The following ANKRD62 variants were observed in gnomAD, a reference collection of about 807,000 sequenced individuals.
The protein encoded by ANKRD62 is ankyrin repeat domain 62.
Under a neutral mutation model 98.8 loss-of-function variants are expected in ANKRD62, and 61 were observed. The ratio of observed to expected loss-of-function variants is 0.62; its 90% CI spans 0.50 to 0.76. ANKRD62 has a LOEUF of 0.76. Ranked by LOEUF, ANKRD62 falls within the 30% of genes least tolerant of loss-of-function variation. The pLI, the probability that ANKRD62 is intolerant of heterozygous loss-of-function variation, is 0.00. For missense variants in ANKRD62, 933 were observed against 1,082.9 expected (o/e 0.86, Z 1.94); for synonymous variants, 341 against 367.9 (o/e 0.93, Z 0.84).
At chr18:12,138,147 A>G in the ANKRD62 span, among the ~76,000 whole-genome samples, 12 of 152,074 alleles carry the variant, frequency 7.9e-5, no homozygotes, top group Middle Eastern at 3.4e-3. Flanking sequence ...TAGGGTGTCA[A>G]TTTTAGATCT....
chr18:12,109,755 A>G (rs1909495028), intron 8 of ANKRD62, among the ~76,000 whole-genome samples: 1 of 152,134 alleles, frequency 6.6e-6, no homozygotes, highest in Non-Finnish European at 1.5e-5. Flanking sequence ...GAGTTGGCCA[A>G]CTTTTTATGT....
the ANKRD62 span, among the ~76,000 whole-genome samples, chr18:12,136,283 C>T: frequency 6.6e-6 from 1 of 151,848 alleles, no homozygotes; most frequent in South Asian, 2.1e-4. Flanking sequence ...TTTCCCAGCA[C>T]CATTTATTAA....
chr18:12,146,380 G>A, the ANKRD62 span, among the ~76,000 whole-genome samples: 1 of 152,104 alleles, frequency 6.6e-6, no homozygotes, highest in Non-Finnish European at 1.5e-5. Context: ...AGAGGCATCT[G>A]GAGGCTGGAA....
chr18:12,137,647 G>T, the ANKRD62 span, among the ~76,000 whole-genome samples: 10 of 152,130 alleles, frequency 6.6e-5, no homozygotes, highest in Non-Finnish European at 8.8e-5. Flanking sequence ...TTGTACCTCT[G>T]GTAGAATTCG....
At chr18:12,103,272 T>C in intron 7 of ANKRD62, 44 bp downstream of exon 7, 2 of 1,201,074 alleles carry the variant, frequency 1.7e-6, no homozygotes, top group Non-Finnish European at 2.2e-6. Flanking sequence ...TCTTTGGTAA[T>C]GTAGCATAAT....
the ANKRD62 span, among the ~76,000 whole-genome samples, chr18:12,165,488 G>A: frequency 7.5e-6 from 1 of 132,994 alleles, no homozygotes; most frequent in Non-Finnish European, 1.7e-5. Flanking sequence ...CCATTAAACT[G>A]ATGACAACAT....
chr18:12,164,706 G>T, the ANKRD62 span, among the ~76,000 whole-genome samples: 1 of 151,830 alleles, frequency 6.6e-6, no homozygotes, highest in Non-Finnish European at 1.5e-5. Flanking sequence ...GTTTCTAGAA[G>T]TTTTTCAGTT....
rs1351992065 is a variant in ANKRD62, at chr18:12,103,167, T to G, written c.830T>G (p.Leu277Ter). 23 of 1,384,564 alleles carry G rather than the reference T, an allele frequency of 1.7e-5. No homozygotes were observed. Among genetic ancestry groups the G allele is most frequent in the Non-Finnish European group, 2.2e-5 (23 of 1,060,004 alleles). The allele number at this position is 1,384,564 out of a possible 1,614,324, so 85.8% of individuals were successfully genotyped here. The change falls in exon 7 of 14, where the codon TTA becomes TGA. Residue 277 changes from leucine (L) to a stop codon, truncating the protein, a stop_gained. Transcript: ENST00000587848. LOFTEE classifies it high-confidence loss of function. ...SLQNSNSEQD[L>*]EMTSEGEQER... Reference sequence around the variant, plus strand: ...ATGGATTTGTGAGCAGAACAAGACTTAGAAATGACATCAGAGGGAGAGCAA... The same window carrying G: ...ATGGATTTGTGAGCAGAACAAGACTGAGAAATGACATCAGAGGGAGAGCAA...
At chr18:12,127,438 T>C (rs1598739164) in intron 13 of ANKRD62, among the ~76,000 whole-genome samples, 1 of 152,176 alleles carries the variant, frequency 6.6e-6, no homozygotes, top group African/African-American at 2.4e-5. Context: ...CAGTGTAAAA[T>C]TCACTGCCAC....
At chr18:12,154,819 G>A in the ANKRD62 span, among the ~76,000 whole-genome samples, 1 of 152,180 alleles carries the variant, frequency 6.6e-6, no homozygotes, top group Non-Finnish European at 1.5e-5. Flanking sequence ...TCTTTTGTGG[G>A]AACATGGATG....
chr18:12,095,206 C>T lies in ANKRD62; in HGVS notation c.254C>T (p.Pro85Leu). The stretch of plus-strand genomic sequence containing the variant: ...CTTTTGGCGTGTGCCCATGGCCGTC[C>T]AGGAGTGGTAGCTGACCTGGTGGCC... ...ALLLACAHGR[P>L]GVVADLVARK... The change falls in exon 2 of 14, where the codon CCA becomes CTA. Residue 85 changes from proline (P) to leucine (L), a missense_variant. Physicochemically the swap from Pro to Leu is moderately conservative, Grantham distance 98. Transcript: ENST00000587848. 1 of 1,537,024 alleles carries T rather than the reference C, an allele frequency of 6.5e-7. No homozygotes were observed. The highest frequency in any genetic ancestry group is 8.7e-7 in the Non-Finnish European group (1 of 1,146,858).
At position 12,126,048 on chromosome 18, in the gene ANKRD62, C is replaced by T. The variant is rs1247197089; in HGVS notation, c.2227C>T (p.Arg743Ter). The T allele has an allele frequency of 2.0e-5, 31 of 1,536,120 alleles. No individual in the cohort carries two copies. In the East Asian group the frequency reaches 6.1e-4, roughly 30 times the overall value. The stretch of plus-strand genomic sequence containing the variant: ...AGAACACATGCAAGGAGTCCTAAGC[C>T]GAACACAGCGTCGATTGGAGGACAT... The part of the protein sequence containing the change: ...HIEHMQGVLS[R>*]TQRRLEDIEH... Residue 743 changes from arginine to a stop codon, truncating the protein, a stop_gained, in exon 13 of 14, where the codon CGA becomes TGA. Coordinates refer to ENST00000587848, the MANE Select transcript of ANKRD62 (RefSeq NM_001277333.2). LOFTEE classifies it high-confidence loss of function.
At chr18:12,160,582 C>T in the ANKRD62 span, among the ~76,000 whole-genome samples, 1 of 152,054 alleles carries the variant, frequency 6.6e-6, no homozygotes, top group Non-Finnish European at 1.5e-5. Flanking sequence ...TTCTGTAACT[C>T]CTTTCAGCTG....
the ANKRD62 span, among the ~76,000 whole-genome samples, chr18:12,175,433 G>A: frequency 6.6e-6 from 1 of 152,116 alleles, no homozygotes; most frequent in Non-Finnish European, 1.5e-5. Flanking sequence ...ATGCACACAT[G>A]CATGTGGGTC....
At chr18:12,181,194 A>G in the ANKRD62 span, among the ~76,000 whole-genome samples, 1 of 152,070 alleles carries the variant, frequency 6.6e-6, no homozygotes. Context: ...CTAAAATCAG[A>G]TAAGGTAAAT....
chr18:12,131,124 T>C (rs1332360930), downstream of ANKRD62, among the ~76,000 whole-genome samples: 4 of 152,232 alleles, frequency 2.6e-5, no homozygotes, highest in Non-Finnish European at 5.9e-5. Context: ...TTTCAAATTG[T>C]ACAGCATTTT....
At position 12,127,508 on chromosome 18, in the gene ANKRD62, A is replaced by T. The variant is rs145774516; in HGVS notation, c.2563-240A>T. Among the ~76,000 whole-genome samples, 474 of 152,336 alleles carry T rather than the reference A, an allele frequency of 3.1e-3. 3 individuals are homozygous for T. The highest frequency in any genetic ancestry group is 9.9e-3 in the African/African-American group (413 of 41,582). ...CTCAGAAGGTTTTTAAGCATTGCACATTCATCAGTGCGCTGAATCTGTTGT... is the reference window on the plus strand; with the variant it reads ...CTCAGAAGGTTTTTAAGCATTGCACTTTCATCAGTGCGCTGAATCTGTTGT... On this transcript the variant is annotated intron_variant, in intron 13 of 13. Transcript: ENST00000587848.
the ANKRD62 span, among the ~76,000 whole-genome samples, chr18:12,162,553 T>C: frequency 6.6e-6 from 1 of 152,128 alleles, no homozygotes; most frequent in Non-Finnish European, 1.5e-5. Context: ...TTTGCTTTGG[T>C]TCCCTGTGCT....
the ANKRD62 span, among the ~76,000 whole-genome samples, chr18:12,154,543 C>T: frequency 6.6e-6 from 1 of 152,192 alleles, no homozygotes; most frequent in East Asian, 1.9e-4. Flanking sequence ...GGTGAGTCCT[C>T]AGAAAGCTAA....
Sources: allele counts gnomAD v4.1 joint callset (sites outside exome capture counted in the v4.1 genomes callset), GRCh38; gene constraint gnomAD v4.1.1; transcripts MANE v1.5; gene names NCBI Gene and HGNC (gene_info 2026-07-23, HGNC 2026-07-21).